HPN: variants seen among roughly 807,000 people sequenced by gnomAD.
HPN encodes the protein serine protease hepsin.
Under a neutral mutation model 55.9 loss-of-function variants are expected in HPN, and 13 were observed. The ratio of observed to expected loss-of-function variants is 0.23; its 90% confidence interval spans 0.15 to 0.37. HPN has a LOEUF of 0.37. Among genes scored for constraint, HPN ranks in the 10% least tolerant of loss-of-function variants. HPN has a pLI of 1.00. For synonymous variants in HPN, 225 were observed against 240.3 expected (o/e 0.94, Z 0.59); for missense variants, 451 against 575.8 (o/e 0.78, Z 2.22).
At chr19:35,048,294 C>A (rs913719568) in intron 2 of HPN, among the ~76,000 whole-genome samples, 52 of 152,358 alleles carry the variant, frequency 3.4e-4, no homozygotes, top group Admixed American at 5.2e-4. Flanking sequence ...GGACGCTGCT[C>A]TGCCTCTTCC....
intron 11 of HPN, 70 bp from the exon 12 acceptor site, chr19:35,065,798 A>G (rs1350409937): frequency 4.6e-6 from 7 of 1,533,204 alleles, no homozygotes; most frequent in African/African-American, 1.5e-5. Flanking sequence ...GCCACAGCCC[A>G]TGTCATCCCG....
At chr19:35,054,417 CAAA>C (rs539679133) in intron 4 of HPN, among the ~76,000 whole-genome samples, 2 of 103,064 alleles carry the variant, frequency 1.9e-5, no homozygotes, top group Non-Finnish European at 2.0e-5. Flanking sequence ...GATTATGTCT[CAAA>C]AAAAAAAAAA....
At chr19:35,051,992 C>T (rs2064410393) in intron 4 of HPN, among the ~76,000 whole-genome samples, 1 of 152,172 alleles carries the variant, frequency 6.6e-6, no homozygotes, top group Non-Finnish European at 1.5e-5. Flanking sequence ...CTCTCCACCC[C>T]CACCTCACAC....
chr19:35,040,802 C>A (rs997661820), upstream of HPN, among the ~76,000 whole-genome samples: 2 of 152,164 alleles, frequency 1.3e-5, no homozygotes, highest in African/African-American at 4.8e-5. Context: ...CAGGCTAAAC[C>A]AGCGTGTCCC....
chr19:35,059,543 C>A, intron 4 of HPN, 130 bp from the exon 5 acceptor site: 2 of 1,205,096 alleles, frequency 1.7e-6, no homozygotes, highest in African/African-American at 1.5e-5. Context: ...GGGCTGCAAC[C>A]CTCCGATGGG....
chr19:35,057,297 G>A (rs2064465268), intron 4 of HPN, among the ~76,000 whole-genome samples: 1 of 152,068 alleles, frequency 6.6e-6, no homozygotes, highest in Non-Finnish European at 1.5e-5. Flanking sequence ...GTGGTGGCAT[G>A]TGTCTGTAGC....
Position 35,066,555 on chromosome 19 carries a change from T to G in HPN, c.*268T>G. 1.9e-6 allele frequency: 1 copy of G among 517,794 alleles called. No individual in the cohort carries two copies. The highest frequency in any genetic ancestry group is 5.0e-4 in the Middle Eastern group (1 of 1,998). The allele number at this position is 517,794 out of a possible 1,614,324, so 32.1% of individuals were successfully genotyped here. ...TGATGACGGGATGCTCTTTAAATAA[T>G]AAAGATGGTTTTGATTAATGTGGCC... On this transcript the variant is annotated 3_prime_UTR_variant, in exon 13 of 13. Coordinates refer to ENST00000672452, the MANE Select transcript of HPN (RefSeq NM_001384133.1).
At position 35,065,218 on chromosome 19, in the gene HPN, C is replaced by T. The variant is rs576181489; in HGVS notation, c.812-32C>T. On this transcript the variant is annotated intron_variant, in intron 9 of 12. Transcript: ENST00000672452. Reference sequence around the variant, plus strand: ...GTTTGTACCAGGTGGGGCAGGCCAGCGGGGGCTGGACCAGCATTGTCTCTC... The same window carrying T: ...GTTTGTACCAGGTGGGGCAGGCCAGTGGGGGCTGGACCAGCATTGTCTCTC... 2.9e-5 allele frequency: 44 copies of T among 1,536,910 alleles called. 1 individual carries two copies. In the South Asian group the frequency reaches 3.9e-4, roughly 14 times the overall value.
intron 10 of HPN, 32 bp downstream of exon 10, chr19:35,065,377 G>A (rs2305745): frequency 0.72 from 1,139,474 of 1,589,612 alleles, 416,185 homozygotes; most frequent in Admixed American, 0.83. Context: ...TGATGCCACC[G>A]TTTGGGAGAC....
At chr19:35,042,413 G>A (rs1490139645) in intron 1 of HPN, 40 bp from the exon 2 acceptor site, 2 of 1,530,330 alleles carry the variant, frequency 1.3e-6, no homozygotes, top group Non-Finnish European at 1.8e-6. Context: ...GGCTGGGCTG[G>A]GCTCCCCCAG....
intron 4 of HPN, among the ~76,000 whole-genome samples, chr19:35,056,682 C>G (rs183531581): frequency 6.6e-6 from 1 of 152,158 alleles, no homozygotes; most frequent in South Asian, 2.1e-4. Context: ...CCATCTGTCT[C>G]CCTATCCCCT....
chr19:35,050,060 T>C (rs752548970), intron 4 of HPN, among the ~76,000 whole-genome samples: 3 of 152,112 alleles, frequency 2.0e-5, no homozygotes, highest in Non-Finnish European at 4.4e-5. Flanking sequence ...GGTGAAAACA[T>C]GTTGGGGAGG....
chr19:35,046,298 A>G (rs1360152735), intron 2 of HPN, among the ~76,000 whole-genome samples: 4 of 151,242 alleles, frequency 2.6e-5, no homozygotes, highest in African/African-American at 9.7e-5. Context: ...AGGCTAGAGT[A>G]CAGTGGCGCA....
Position 35,059,889 on chromosome 19 carries a change from C to T in HPN, c.306C>T (p.Ser102=), listed in dbSNP as rs753419965. The T allele has an allele frequency of 4.0e-6, 6 of 1,504,654 alleles. No individual in the cohort carries two copies. The highest frequency in any genetic ancestry group is 4.7e-5 in the East Asian group (2 of 42,658). The allele number at this position is 1,504,654 out of a possible 1,614,324, so 93.2% of individuals were successfully genotyped here. The change falls in exon 6 of 13, where the codon TCC becomes TCT. Residue 102 remains serine, a synonymous_variant. Transcript: ENST00000672452. Reference sequence around the variant, plus strand: ...CCCCGCCCAGGGCACTGACCCACTCCGAGCTGGACGTGCGAACGGCGGGCG... The same window carrying T: ...CCCCGCCCAGGGCACTGACCCACTCTGAGCTGGACGTGCGAACGGCGGGCG... ...EMGFLRALTH[S]ELDVRTAGAN...
chr19:35,055,016 T>C (rs1400183225), intron 4 of HPN, among the ~76,000 whole-genome samples: 1 of 151,954 alleles, frequency 6.6e-6, no homozygotes, highest in Non-Finnish European at 1.5e-5. Flanking sequence ...AGGAGGCTCT[T>C]GAGAAAAGGA....
chr19:35,047,504 G>A (rs1276643853), intron 2 of HPN, among the ~76,000 whole-genome samples: 1 of 152,124 alleles, frequency 6.6e-6, no homozygotes, highest in Non-Finnish European at 1.5e-5. Context: ...GCCACAATCT[G>A]GAAATTATTG....
At chr19:35,050,433 C>A in intron 4 of HPN, 1 of 1,152,144 alleles carries the variant, frequency 8.7e-7, no homozygotes, top group Non-Finnish European at 1.2e-6. Flanking sequence ...TGGTAATTAG[C>A]TCCATTTTAC....
At chr19:35,048,278 G>T (rs991496248) in intron 2 of HPN, among the ~76,000 whole-genome samples, 1 of 152,174 alleles carries the variant, frequency 6.6e-6, no homozygotes, top group African/African-American at 2.4e-5. Flanking sequence ...ACCTGCCCAG[G>T]GTTCTGGACG....
chr19:35,052,555 A>T (rs63008560), intron 4 of HPN, among the ~76,000 whole-genome samples: 3 of 134,360 alleles, frequency 2.2e-5, no homozygotes, highest in African/African-American at 5.4e-5. Flanking sequence ...AAAAAAAAAA[A>T]GGCTGTGCAG....
Sources: gnomAD v4.1 joint callset for allele counts (sites outside exome capture counted in the v4.1 genomes callset) on GRCh38, gnomAD v4.1.1 for gene constraint, MANE v1.5 for transcripts, NCBI Gene and HGNC (gene_info 2026-07-23, HGNC 2026-07-21) for gene names.